The following CCDC91 variants were observed in gnomAD, a reference collection of about 807,000 sequenced individuals.
The protein encoded by CCDC91 is coiled-coil domain-containing protein 91.
CCDC91 carries 48 observed loss-of-function variants against 63.2 expected under a neutral mutation model. The ratio of observed to expected loss-of-function variants is 0.76; its 90% CI spans 0.60 to 0.97. CCDC91 has a LOEUF of 0.97. CCDC91 is among the 50% of genes least tolerant of loss of function. CCDC91 has a pLI of 0.00. For missense variants in CCDC91, 500 were observed against 494.6 expected (o/e 1.01, Z -0.10); for synonymous variants, 167 against 165.8 (o/e 1.01, Z -0.06).
intron 1 of CCDC91, among the ~76,000 whole-genome samples, chr12:28,215,584 T>G (rs891352566): frequency 4.6e-5 from 7 of 152,132 alleles, no homozygotes; most frequent in Non-Finnish European, 8.8e-5. Flanking sequence ...TACTTCATAA[T>G]TTGCCTTTAT....
chr12:28,305,376 G>A (rs1938601010), intron 3 of CCDC91, among the ~76,000 whole-genome samples: 1 of 152,016 alleles, frequency 6.6e-6, no homozygotes, highest in Non-Finnish European at 1.5e-5. Flanking sequence ...ATGGCACTGT[G>A]TTGGTATGTA....
rs1350768735 is a variant in CCDC91 at position 28,396,752 on chromosome 12, A to G, written c.762+5341A>G. ...TATAAGTATGTTTTTATGTAATAGA[A>G]TATATTTTTCTGTATGGGGTCCAAA... On this transcript the variant is annotated intron_variant, in intron 8 of 12. Transcript: ENST00000536442. Among the ~76,000 whole-genome samples the G allele has an allele frequency of 2.0e-5, 3 of 151,990 alleles. No homozygotes were observed. In the East Asian group the frequency reaches 5.8e-4, roughly 29 times the overall value.
intron 6 of CCDC91, among the ~76,000 whole-genome samples, chr12:28,336,738 C>T (rs1942011617): frequency 6.6e-6 from 1 of 151,982 alleles, no homozygotes; most frequent in Non-Finnish European, 1.5e-5. Context: ...CATGCTTTTG[C>T]AGCTACAGGT....
At chr12:28,286,038 C>T (rs1009538413) in intron 3 of CCDC91, among the ~76,000 whole-genome samples, 8 of 151,942 alleles carry the variant, frequency 5.3e-5, no homozygotes, top group African/African-American at 1.9e-4. Flanking sequence ...GGATGTGAAT[C>T]TAGTTCTCAA....
intron 8 of CCDC91, among the ~76,000 whole-genome samples, chr12:28,414,465 A>G (rs1210871417): frequency 6.6e-6 from 1 of 152,172 alleles, no homozygotes; most frequent in Admixed American, 6.5e-5. Flanking sequence ...GAAATGTTCA[A>G]AAAGTACCCC....
intron 12 of CCDC91, among the ~76,000 whole-genome samples, chr12:28,503,753 C>T (rs1166381047): frequency 6.6e-6 from 1 of 152,008 alleles, no homozygotes; most frequent in African/African-American, 2.4e-5. Context: ...TACTATGCAG[C>T]CATAAAAAAT....
intron 7 of CCDC91, among the ~76,000 whole-genome samples, chr12:28,370,557 A>G (rs1944552679): frequency 6.6e-6 from 1 of 152,158 alleles, no homozygotes. Flanking sequence ...TGAGCTCTCC[A>G]ACATGTTTCA....
intron 2 of CCDC91, 114 bp downstream of exon 2, chr12:28,257,359 TTAATG>T: frequency 1.5e-6 from 1 of 669,634 alleles, no homozygotes; most frequent in Non-Finnish European, 2.6e-6. Flanking sequence ...CTTGATCATT[TTAATG>T]TAATTCTGGA....
chr12:28,291,070 T>C (rs73083944), intron 3 of CCDC91, among the ~76,000 whole-genome samples: 2,084 of 152,304 alleles, frequency 0.014, 46 homozygotes, highest in African/African-American at 0.042. Flanking sequence ...TAAATCATTA[T>C]AACTAGGCTT....
At chr12:28,465,091 G>A (rs1950487773) in intron 11 of CCDC91, among the ~76,000 whole-genome samples, 2 of 152,216 alleles carry the variant, frequency 1.3e-5, no homozygotes, top group Non-Finnish European at 2.9e-5. Flanking sequence ...ACATAGGCCT[G>A]AGGTGCAGTA....
At chr12:28,193,784 T>A (rs1367374115) in intron 1 of CCDC91, among the ~76,000 whole-genome samples, 1 of 152,250 alleles carries the variant, frequency 6.6e-6, no homozygotes, top group East Asian at 1.9e-4. Flanking sequence ...TATGTTTTAA[T>A]TTGAATTTTT....
chr12:28,229,051 C>A (rs1392659219), intron 1 of CCDC91, among the ~76,000 whole-genome samples: 2 of 151,954 alleles, frequency 1.3e-5, no homozygotes, highest in African/African-American at 4.8e-5. Context: ...CTTACACATC[C>A]CTCTTCTCAG....
intron 12 of CCDC91, among the ~76,000 whole-genome samples, chr12:28,509,551 G>A (rs763763820): frequency 1.3e-5 from 2 of 151,834 alleles, no homozygotes; most frequent in Non-Finnish European, 2.9e-5. Flanking sequence ...ATGAAAACAT[G>A]AGTGACTTAA....
At chr12:28,500,469 A>C (rs1221842482) in intron 12 of CCDC91, among the ~76,000 whole-genome samples, 1 of 150,226 alleles carries the variant, frequency 6.7e-6, no homozygotes, top group African/African-American at 2.4e-5. Context: ...GGGGCACCTC[A>C]TTTTTCATTG....
At chr12:28,283,156 T>C (rs1209739231) in intron 3 of CCDC91, among the ~76,000 whole-genome samples, 1 of 152,064 alleles carries the variant, frequency 6.6e-6, no homozygotes, top group Non-Finnish European at 1.5e-5. Context: ...ACCTTCAGAT[T>C]TTTCCCTTTT....
intron 1 of CCDC91, among the ~76,000 whole-genome samples, chr12:28,203,104 G>C (rs958478431): frequency 1.3e-5 from 2 of 152,116 alleles, no homozygotes; most frequent in Non-Finnish European, 2.9e-5. Flanking sequence ...CTAGGCTGCT[G>C]GATTTTATTG....
intron 11 of CCDC91, among the ~76,000 whole-genome samples, chr12:28,472,906 G>A (rs1418586722): frequency 6.6e-6 from 1 of 152,078 alleles, no homozygotes; most frequent in African/African-American, 2.4e-5. Context: ...TTCTGGAACT[G>A]TAGTTTGAGT....
chr12:28,210,921 G>A (rs1943191972), intron 1 of CCDC91, among the ~76,000 whole-genome samples: 2 of 151,730 alleles, frequency 1.3e-5, no homozygotes, highest in Admixed American at 6.6e-5. Flanking sequence ...AAAACAAGAC[G>A]GAGTCTCATT....
intron 11 of CCDC91, among the ~76,000 whole-genome samples, chr12:28,457,333 A>T (rs2140411092): frequency 6.6e-6 from 1 of 152,012 alleles, no homozygotes; most frequent in Non-Finnish European, 1.5e-5. Context: ...AAAGCTTGGA[A>T]GCCGTTTTTG....
Sources: allele counts gnomAD v4.1 joint callset (sites outside exome capture counted in the v4.1 genomes callset), GRCh38; gene constraint gnomAD v4.1.1; transcripts MANE v1.5; gene names NCBI Gene and HGNC (gene_info 2026-07-23, HGNC 2026-07-21).